Variants in N4BP2L2 observed in about 807,000 individuals in gnomAD.
N4BP2L2 encodes the protein NEDD4 binding protein 2 like 2.
A neutral mutation model predicts 56.2 loss-of-function variants in N4BP2L2; 50 were observed. The observed-to-expected ratio is 0.89, with a 90% CI of 0.71 to 1.13. The LOEUF (loss-of-function observed/expected upper bound fraction) is 1.13, where lower values mean the gene tolerates loss of function less well. N4BP2L2 is among the 50% of genes most tolerant of loss of function. The pLI is 0.00. For missense variants in N4BP2L2, 689 were observed against 693.8 expected (o/e 0.99, Z 0.08); for synonymous variants, 203 against 223.6 (o/e 0.91, Z 0.82).
chr13:32,525,960 G>C (rs965738124), intron 3 of N4BP2L2, among the ~76,000 whole-genome samples: 1 of 149,614 alleles, frequency 6.7e-6, no homozygotes, highest in Non-Finnish European at 1.5e-5. Flanking sequence ...AGAGGGAAGA[G>C]GTTGTCCCTG....
At chr13:32,519,598 T>C (rs1001841685) in intron 5 of N4BP2L2, among the ~76,000 whole-genome samples, 1 of 151,908 alleles carries the variant, frequency 6.6e-6, no homozygotes, top group Non-Finnish European at 1.5e-5. Flanking sequence ...AGAAGTAAGC[T>C]GAGATCGCCC....
intron 6 of N4BP2L2, among the ~76,000 whole-genome samples, chr13:32,501,638 C>A (rs1261172729): frequency 6.6e-6 from 1 of 151,986 alleles, no homozygotes; most frequent in South Asian, 2.1e-4. Flanking sequence ...CATGGTGAAA[C>A]CCCGTCTCTA....
intron 6 of N4BP2L2, among the ~76,000 whole-genome samples, chr13:32,486,512 C>T (rs1013116174): frequency 6.6e-6 from 1 of 151,686 alleles, no homozygotes; most frequent in Non-Finnish European, 1.5e-5. Context: ...CCCATCTCTA[C>T]TAAAAATACA....
At chr13:32,473,973 T>C (rs944418443) in intron 6 of N4BP2L2, among the ~76,000 whole-genome samples, 7 of 152,232 alleles carry the variant, frequency 4.6e-5, no homozygotes, top group Non-Finnish European at 1.0e-4. Context: ...AGGGGAAGCA[T>C]TATTCTGCTT....
At chr13:32,499,912 A>G (rs925072078) in intron 6 of N4BP2L2, among the ~76,000 whole-genome samples, 1 of 152,200 alleles carries the variant, frequency 6.6e-6, no homozygotes, top group Non-Finnish European at 1.5e-5. Flanking sequence ...ATTCATGGCA[A>G]TGCTCTAGAA....
At position 32,459,540 on chromosome 13, in the gene N4BP2L2, A is replaced by G. The variant is rs145762630; in HGVS notation, c.366-15414T>C. ...TAGAAATTCCATAAGAAATGGATAA[A>G]TTCTGGGACATATATACATCCTACA... is the stretch of plus-strand genomic sequence containing the variant. On this transcript the variant is annotated intron_variant, in intron 6 of 9. Transcript: ENST00000357505. Among the ~76,000 whole-genome samples the G allele has an allele frequency of 2.0e-3, 306 of 152,298 alleles. 2 individuals carry two copies. The highest frequency in any genetic ancestry group is 7.2e-3 in the African/African-American group (298 of 41,576).
intron 3 of N4BP2L2, chr13:32,526,786 T>C (rs1027278422): frequency 7.0e-6 from 1 of 142,942 alleles, no homozygotes; most frequent in Non-Finnish European, 1.5e-5. Context: ...AACCAAAATA[T>C]CTAAGGCTGA....
intron 3 of N4BP2L2, chr13:32,524,863 A>C (rs2052219428): frequency 6.6e-6 from 1 of 152,266 alleles, no homozygotes; most frequent in Non-Finnish European, 1.5e-5. Flanking sequence ...CCCTGCCTCA[A>C]GCAATCCTCC....
At chr13:32,442,639 G>A (rs1434720040) in exon 7 of N4BP2L2, 2 of 1,613,770 alleles carry the variant, frequency 1.2e-6, no homozygotes, top group Admixed American at 3.3e-5. Context: ...AATAAACCCT[G>A]CATCATTTAG....
chr13:32,523,857 C>G (rs1328005205), intron 3 of N4BP2L2: 4 of 152,034 alleles, frequency 2.6e-5, no homozygotes, highest in African/African-American at 9.7e-5. Flanking sequence ...AAATAGGATG[C>G]AGTGTATACT....
intron 5 of N4BP2L2, among the ~76,000 whole-genome samples, chr13:32,519,473 T>C (rs554604795): frequency 4.6e-5 from 7 of 152,166 alleles, no homozygotes; most frequent in African/African-American, 1.7e-4. Context: ...CTAACCAACA[T>C]GGTGAAACTC....
chr13:32,536,196 A>T, exon 2 of N4BP2L2: 5 of 1,613,666 alleles, frequency 3.1e-6, no homozygotes, highest in Non-Finnish European at 3.4e-6. Flanking sequence ...GGGGGACCAT[A>T]GGGCACTATA....
chr13:32,493,144 C>T (rs974696108), intron 6 of N4BP2L2, among the ~76,000 whole-genome samples: 8 of 151,976 alleles, frequency 5.3e-5, no homozygotes, highest in Middle Eastern at 3.4e-3. Context: ...AGGCTGCTCT[C>T]GAACTCCTGA....
At chr13:32,448,114 C>G (rs2077314327) in intron 6 of N4BP2L2, among the ~76,000 whole-genome samples, 1 of 152,182 alleles carries the variant, frequency 6.6e-6, no homozygotes, top group Admixed American at 6.5e-5. Flanking sequence ...AGCTACCCTC[C>G]TCATTTCAGA....
At chr13:32,484,312 G>C (rs1000053451) in intron 6 of N4BP2L2, among the ~76,000 whole-genome samples, 2 of 152,020 alleles carry the variant, frequency 1.3e-5, no homozygotes, top group African/African-American at 4.8e-5. Flanking sequence ...GGGTGACAGA[G>C]AAAGACCCTG....
intron 1 of N4BP2L2, among the ~76,000 whole-genome samples, chr13:32,537,719 G>A (rs1441490972): frequency 2.6e-5 from 4 of 152,096 alleles, no homozygotes; most frequent in African/African-American, 9.7e-5. Context: ...AAGAAATCTG[G>A]CAACTCCCAA....
At chr13:32,499,306 T>C (rs1008442980) in intron 6 of N4BP2L2, among the ~76,000 whole-genome samples, 3 of 152,182 alleles carry the variant, frequency 2.0e-5, no homozygotes, top group Admixed American at 1.3e-4. Context: ...TCACTACTGG[T>C]TCATATTTCT....
intron 5 of N4BP2L2, 51 bp from the exon 6 acceptor site, chr13:32,518,054 T>TAG (rs1313200354): frequency 6.5e-7 from 1 of 1,532,724 alleles, no homozygotes; most frequent in Non-Finnish European, 8.8e-7. Context: ...TGTACAGGCT[T>TAG]AGAGATTAAC....
Position 32,477,679 on chromosome 13 carries a change from G to A in N4BP2L2, c.366-33553C>T, listed in dbSNP as rs930547296. ...ACAGGTTGAATGCAATCAGAAAACC[G>A]TTTGTTCAGCCTATCTGGAAAAATA... On this transcript the variant is annotated intron_variant, in intron 6 of 9. Transcript: ENST00000357505. 49 of 353,084 alleles carry A rather than the reference G, an allele frequency of 1.4e-4. No homozygotes were observed. The East Asian group carries it at 3.7e-3, about 26-fold the overall frequency. The allele number at this position is 353,084 out of a possible 1,614,324, so 21.9% of individuals were successfully genotyped here.
Sources: allele counts gnomAD v4.1 joint callset (sites outside exome capture counted in the v4.1 genomes callset), GRCh38; gene constraint gnomAD v4.1.1; transcripts MANE v1.5; gene names NCBI Gene and HGNC (gene_info 2026-07-23, HGNC 2026-07-21).